Variants in MACF1 observed in about 807,000 individuals in gnomAD.
The protein encoded by MACF1 is microtubule actin crosslinking factor 1.
Under a neutral mutation model 854.8 loss-of-function variants are expected in MACF1, and 193 were observed. That is an observed-to-expected ratio of 0.23 (90% CI 0.20 to 0.25). MACF1 has a LOEUF of 0.25. MACF1 is among the 10% of genes least tolerant of loss of function. The probability of loss-of-function intolerance (pLI) is 1.00; values close to 1 mark genes in which losing one functional copy is unlikely to be tolerated. For synonymous variants in MACF1, 3,185 were observed against 3,226.7 expected, an observed-to-expected ratio of 0.99 and a Z score of 0.44; for missense variants, 7,722 against 8,929.1, an observed-to-expected ratio of 0.86 and a Z score of 5.45.
At chr1:39,246,618 C>G (rs569778811) in intron 2 of MACF1, among the ~76,000 whole-genome samples, 1 of 151,998 alleles carries the variant, frequency 6.6e-6, no homozygotes, top group East Asian at 1.9e-4. Context: ...AAGCGATTCT[C>G]CTGCCTCAGC....
At chr1:39,331,081 T>A in intron 36 of MACF1, 122 bp from the exon 37 acceptor site, 1 of 1,363,542 alleles carries the variant, frequency 7.3e-7, no homozygotes, top group African/African-American at 1.5e-5. Context: ...CCACTGTGCC[T>A]GGCCTGTATA....
At chr1:39,093,205 G>A (rs979607850) in intron 2 of MACF1, among the ~76,000 whole-genome samples, 5 of 152,106 alleles carry the variant, frequency 3.3e-5, no homozygotes, top group Middle Eastern at 3.4e-3. Flanking sequence ...GGACACCAGC[G>A]GGGTGTCCTC....
At chr1:39,344,371 G>T (rs962098043) in intron 40 of MACF1, among the ~76,000 whole-genome samples, 2 of 151,498 alleles carry the variant, frequency 1.3e-5, no homozygotes, top group African/African-American at 4.9e-5. Context: ...GGTGGAGATT[G>T]CAATGAGCTG....
chr1:39,342,536 C>CT (rs1422574585), intron 40 of MACF1, among the ~76,000 whole-genome samples: 30,797 of 133,570 alleles, frequency 0.23, 4,689 homozygotes, highest in Admixed American at 0.31. Context: ...GGTTGGCAAA[C>CT]TTTTTTTTTT....
At chr1:39,092,974 C>T (rs1342860973) in intron 2 of MACF1, among the ~76,000 whole-genome samples, 12 of 151,972 alleles carry the variant, frequency 7.9e-5, no homozygotes, top group Non-Finnish European at 1.8e-4. Context: ...TTAGTAGAGA[C>T]GGGGTTTCAC....
intron 2 of MACF1, among the ~76,000 whole-genome samples, chr1:39,118,814 C>T (rs1395272078): frequency 6.6e-6 from 1 of 152,204 alleles, no homozygotes. Context: ...TCGTTAGTTA[C>T]TTCACTTTGC....
chr1:39,404,762 G>GGT (rs1436911183), intron 58 of MACF1, among the ~76,000 whole-genome samples: 5 of 152,304 alleles, frequency 3.3e-5, no homozygotes, highest in African/African-American at 1.2e-4. Flanking sequence ...TGGAATTACA[G>GGT]GTGTGAGCCA....
rs74718295 is a variant in MACF1, at chr1:39,309,573, C to T, written c.2793C>T (p.Val931=). 1.8e-3 allele frequency: 2,882 copies of T among 1,613,938 alleles called. 48 individuals are homozygous for T. In the African/African-American group the frequency reaches 0.034, roughly 19 times the overall value. ...NKDAIEMASR[V]EQSYQKVMAL... is the part of the protein sequence containing the mutation. ...TCAGGTTCTGTGTTATTTCTAGGGT[C>T]GAACAATCTTATCAGAAGGTTATGG... The change falls in exon 24 of 101, where the codon GTC becomes GTT. Residue 931 remains valine, a synonymous_variant. Transcript: ENST00000564288.
chr1:39,178,321 G>C (rs1324695928), intron 2 of MACF1, among the ~76,000 whole-genome samples: 1 of 151,812 alleles, frequency 6.6e-6, no homozygotes, highest in African/African-American at 2.4e-5. Flanking sequence ...GTACCTCACA[G>C]ACAGTGCACA....
chr1:39,122,292 TCA>T (rs1391768195), intron 2 of MACF1, among the ~76,000 whole-genome samples: 2 of 151,100 alleles, frequency 1.3e-5, no homozygotes, highest in African/African-American at 4.9e-5. Context: ...TCTTGTTCTG[TCA>T]CTCAGGCTGG....
chr1:39,285,287 C>G lies in MACF1; in HGVS notation c.1260-10C>G. ...ACCTTGCACATGACTATGGTTTTAT[C>G]TTATTTCAGGCTGGAATTGCTGCTA... On this transcript the variant is annotated splice_polypyrimidine_tract_variant and intron_variant, in intron 12 of 100. Coordinates refer to ENST00000564288, the MANE Select transcript of MACF1 (RefSeq NM_001394062.1). The G allele has an allele frequency of 1.9e-6, 3 of 1,614,138 alleles. No homozygotes were observed. Among genetic ancestry groups the G allele is most frequent in the Non-Finnish European group, 2.5e-6 (3 of 1,180,028 alleles).
chr1:39,109,641 A>G (rs1642343671), intron 2 of MACF1, among the ~76,000 whole-genome samples: 1 of 151,620 alleles, frequency 6.6e-6, no homozygotes, highest in Non-Finnish European at 1.5e-5. Flanking sequence ...GGAACCTTTA[A>G]TGTTTAGAAA....
upstream of MACF1, among the ~76,000 whole-genome samples, chr1:39,201,558 TAGTC>T (rs1444900130): frequency 6.6e-6 from 1 of 152,106 alleles, no homozygotes; most frequent in Non-Finnish European, 1.5e-5. Flanking sequence ...TTCACTGTGT[TAGTC>T]AGGATGGTCT....
At chr1:39,261,319 A>C (rs1645161641) in intron 6 of MACF1, among the ~76,000 whole-genome samples, 1 of 152,200 alleles carries the variant, frequency 6.6e-6, no homozygotes, top group Admixed American at 6.5e-5. Flanking sequence ...ATTCATAAAA[A>C]AAACTTTACT....
intron 97 of MACF1, among the ~76,000 whole-genome samples, chr1:39,475,492 C>A (rs1201234021): frequency 6.8e-6 from 1 of 146,804 alleles, no homozygotes; most frequent in African/African-American, 2.5e-5. Context: ...AAAATGCATT[C>A]TGCAGAATGA....
At chr1:39,306,103 A>G (rs1342549930) in intron 23 of MACF1, among the ~76,000 whole-genome samples, 2 of 152,164 alleles carry the variant, frequency 1.3e-5, no homozygotes, top group African/African-American at 4.8e-5. Flanking sequence ...TGAAAGAATG[A>G]ATGAGTAGGT....
At position 39,283,607 on chromosome 1, in the gene MACF1, CTCATGGTATCA is replaced by C. The variant is rs1184735644; in HGVS notation, c.915+93_915+103del. 2.5e-5 allele frequency: 21 copies of C among 850,404 alleles called. No homozygotes were observed. Among genetic ancestry groups the C allele is most frequent in the Non-Finnish European group, 3.5e-5 (18 of 509,536 alleles). 52.7% of individuals were successfully genotyped at this position (850,404 alleles called of 1,614,324 possible). A position where few individuals can be genotyped will look rare whatever the true frequency, so the allele number is the denominator to read the frequency against. On this transcript the variant is annotated intron_variant, in intron 9 of 100. Transcript: ENST00000564288. This position sits in a 1 kb window ranked among gnomAD's most constrained non-coding sequence, Gnocchi z 4.5. ...CACTTTCTTAAGCACTTATGGTATA[CTCATGGTATCA>C]AACTATATATCCAGTATCTTTATCA...
At chr1:39,172,383 C>G (rs1012744689) in intron 2 of MACF1, among the ~76,000 whole-genome samples, 5 of 152,204 alleles carry the variant, frequency 3.3e-5, no homozygotes, top group South Asian at 4.1e-4. Flanking sequence ...CTACTATATG[C>G]CAGACATTTG....
chr1:39,400,444 A>C (rs2148591363), intron 58 of MACF1, among the ~76,000 whole-genome samples: 1 of 152,206 alleles, frequency 6.6e-6, no homozygotes, highest in African/African-American at 2.4e-5. Flanking sequence ...TTTTAAAAAG[A>C]AGCTTATCTA....
Sources: allele counts gnomAD v4.1 joint callset (sites outside exome capture counted in the v4.1 genomes callset), GRCh38; gene constraint gnomAD v4.1.1; non-coding constraint Gnocchi (gnomAD v3.1); transcripts MANE v1.5; gene names NCBI Gene and HGNC (gene_info 2026-07-23, HGNC 2026-07-21).